The following SLC10A7 variants were observed in gnomAD, a reference collection of about 807,000 sequenced individuals.
SLC10A7 encodes the protein sodium/bile acid cotransporter 7.
Under a neutral mutation model 43.2 loss-of-function variants are expected in SLC10A7, and 29 were observed. The observed-to-expected ratio is 0.67, with a 90% CI of 0.50 to 0.92. The LOEUF is 0.92. Among genes scored for constraint, SLC10A7 ranks in the 40% least tolerant of loss-of-function variants. The pLI is 0.00. For synonymous variants in SLC10A7, 152 were observed against 144.8 expected, an observed-to-expected ratio of 1.05 and a Z score of -0.35; for missense variants, 295 against 403.2, an observed-to-expected ratio of 0.73 and a Z score of 2.30.
intron 3 of SLC10A7, among the ~76,000 whole-genome samples, chr4:146,506,156 T>C (rs1428625959): frequency 1.3e-5 from 2 of 152,072 alleles, no homozygotes; most frequent in African/African-American, 4.8e-5. Flanking sequence ...TTCTCATAGT[T>C]TTAAAAAGAC....
chr4:146,259,062 C>T (rs1337097299), intron 10 of SLC10A7, among the ~76,000 whole-genome samples: 2 of 152,082 alleles, frequency 1.3e-5, no homozygotes, highest in African/African-American at 2.4e-5. Flanking sequence ...GGTCAGTATT[C>T]GAGGGTACCA....
At chr4:146,453,315 G>A (rs1731750266) in intron 4 of SLC10A7, among the ~76,000 whole-genome samples, 1 of 151,928 alleles carries the variant, frequency 6.6e-6, no homozygotes, top group Non-Finnish European at 1.5e-5. Flanking sequence ...AGTTGCTTTT[G>A]TGCAAGAGTG....
intron 5 of SLC10A7, among the ~76,000 whole-genome samples, chr4:146,380,165 T>C (rs1737509433): frequency 6.6e-6 from 1 of 152,140 alleles, no homozygotes; most frequent in South Asian, 2.1e-4. Flanking sequence ...ACCAGGTATA[T>C]GTTAGTTTTA....
At position 146,521,891 on chromosome 4, in the gene SLC10A7, G is replaced by A. The variant is rs1038407335; in HGVS notation, c.-174C>T. ...ACCTGGGGGTTGCTCCGGCGGCTTT[G>A]AGGAGGGTTGGGAGTAGTAGTAGCC... On this transcript the variant is annotated 5_prime_UTR_variant, in exon 1 of 12. Coordinates refer to ENST00000335472, the MANE Select transcript of SLC10A7 (RefSeq NM_001029998.6). 1.7e-6 allele frequency: 1 copy of A among 593,780 alleles called. No individual in the cohort carries two copies. The highest frequency in any genetic ancestry group is 3.0e-6 in the Non-Finnish European group (1 of 335,642). 36.8% of individuals were successfully genotyped at this position (593,780 alleles called of 1,614,324 possible).
In SLC10A7 at chr4:146,336,293, A is replaced by C. The variant is rs539710917; in HGVS notation, c.436-10297T>G. Among the ~76,000 whole-genome samples, 6 of 152,238 alleles carry C rather than the reference A, an allele frequency of 3.9e-5. No individual in the cohort carries two copies. The South Asian group carries it at 1.2e-3, about 32-fold the overall frequency. On this transcript the variant is annotated intron_variant, in intron 5 of 11. Coordinates refer to ENST00000335472, the MANE Select transcript of SLC10A7 (RefSeq NM_001029998.6). ...TGCTTTGAATTAGAAATTATATTTC[A>C]AACAGAAATAAGTGTAACAAACTTG...
At chr4:146,504,437 T>G (rs1432447504) in intron 3 of SLC10A7, among the ~76,000 whole-genome samples, 1 of 145,156 alleles carries the variant, frequency 6.9e-6, no homozygotes, top group Non-Finnish European at 1.5e-5. Context: ...GAGAATGGTG[T>G]GAACCTGGGA....
chr4:146,354,002 A>C (rs989859395), intron 5 of SLC10A7, among the ~76,000 whole-genome samples: 46 of 148,086 alleles, frequency 3.1e-4, no homozygotes, highest in African/African-American at 1.1e-3. Flanking sequence ...CTCTTTCACC[A>C]CTCCTATTCA....
chr4:146,519,101 ATATATATATAT>A (rs1189480429), intron 1 of SLC10A7, among the ~76,000 whole-genome samples: 3,793 of 43,612 alleles, frequency 0.087, 380 homozygotes, highest in East Asian at 0.17. Context: ...ATATATATAT[ATATATATATAT>A]AATATAATAT....
chr4:146,425,063 C>A (rs1729241704), intron 5 of SLC10A7, among the ~76,000 whole-genome samples: 1 of 152,076 alleles, frequency 6.6e-6, no homozygotes, highest in African/African-American at 2.4e-5. Flanking sequence ...ATCATGAGCA[C>A]TTTTCAATAA....
chr4:146,476,607 C>T (rs1444401588), intron 4 of SLC10A7, among the ~76,000 whole-genome samples: 1 of 152,116 alleles, frequency 6.6e-6, no homozygotes. Context: ...TAGTGGGATG[C>T]TGGATCTCCT....
chr4:146,396,926 G>C (rs1738871527), intron 5 of SLC10A7, among the ~76,000 whole-genome samples: 1 of 151,942 alleles, frequency 6.6e-6, no homozygotes, highest in African/African-American at 2.4e-5. Flanking sequence ...GAAAAAGAAA[G>C]AAGAGAATTA....
chr4:146,368,361 A>T (rs367984672), intron 5 of SLC10A7, among the ~76,000 whole-genome samples: 21 of 152,216 alleles, frequency 1.4e-4, no homozygotes, highest in African/African-American at 4.8e-4. Context: ...ACAGCTGAAT[A>T]AGAGTTTGAA....
intron 9 of SLC10A7, among the ~76,000 whole-genome samples, chr4:146,291,573 A>G (rs1391671573): frequency 2.0e-5 from 3 of 152,100 alleles, no homozygotes; most frequent in Non-Finnish European, 4.4e-5. Flanking sequence ...AATCTGGCTC[A>G]AGCCTACCTT....
chr4:146,402,116 CT>C (rs1179711161), intron 5 of SLC10A7, among the ~76,000 whole-genome samples: 1 of 152,164 alleles, frequency 6.6e-6, no homozygotes, highest in Non-Finnish European at 1.5e-5. Flanking sequence ...GCTAGGTACA[CT>C]TATTGCTACT....
chr4:146,308,918 A>G (rs1045824757), intron 6 of SLC10A7, among the ~76,000 whole-genome samples: 1 of 152,144 alleles, frequency 6.6e-6, no homozygotes, highest in African/African-American at 2.4e-5. Context: ...CAATCATTCA[A>G]GTAGTTACTT....
At chr4:146,331,677 A>G (rs1469184974) in intron 5 of SLC10A7, among the ~76,000 whole-genome samples, 1 of 152,046 alleles carries the variant, frequency 6.6e-6, no homozygotes, top group South Asian at 2.1e-4. Context: ...TACTTTGACA[A>G]CTCCCTTCTT....
At chr4:146,490,110 T>C (rs575460775) in intron 4 of SLC10A7, among the ~76,000 whole-genome samples, 58 of 152,300 alleles carry the variant, frequency 3.8e-4, no homozygotes, top group African/African-American at 1.4e-3. Flanking sequence ...GTATGGTACA[T>C]TATTTTTAAA....
At chr4:146,381,937 T>G (rs538355146) in intron 5 of SLC10A7, among the ~76,000 whole-genome samples, 1 of 152,170 alleles carries the variant, frequency 6.6e-6, no homozygotes, top group Admixed American at 6.6e-5. Context: ...TAAAGAAGCA[T>G]TTGCAGTATC....
At chr4:146,292,260 T>C (rs1025552119) in intron 9 of SLC10A7, among the ~76,000 whole-genome samples, 4 of 152,180 alleles carry the variant, frequency 2.6e-5, no homozygotes, top group East Asian at 1.9e-4. Flanking sequence ...ATTCTAGTCA[T>C]TGGAAGCACT....
Sources: allele counts gnomAD v4.1 joint callset (sites outside exome capture counted in the v4.1 genomes callset), GRCh38; gene constraint gnomAD v4.1.1; transcripts MANE v1.5; gene names NCBI Gene and HGNC (gene_info 2026-07-23, HGNC 2026-07-21).